ANK3: variants seen among roughly 807,000 people sequenced by gnomAD.
ANK3 encodes ankyrin-3.
ANK3 carries 57 observed loss-of-function variants against 370.9 expected under a neutral mutation model. That is an observed-to-expected ratio of 0.15 (90% confidence interval 0.12 to 0.19). ANK3 has a LOEUF of 0.19. Among genes scored for constraint, ANK3 ranks in the 10% least tolerant of loss-of-function variants. ANK3 has a pLI of 1.00. For missense variants in ANK3, 4,439 were observed against 5,302.1 expected, an observed-to-expected ratio of 0.84 and a Z score of 5.06; for synonymous variants, 1,929 against 1,946.3, an observed-to-expected ratio of 0.99 and a Z score of 0.23.
At chr10:60,730,705 A>C (rs2080010182) in intron 1 of ANK3, among the ~76,000 whole-genome samples, 1 of 152,238 alleles carries the variant, frequency 6.6e-6, no homozygotes, top group African/African-American at 2.4e-5. Flanking sequence ...CATTTGCAAG[A>C]TCCAAGGATA....
chr10:60,395,556 C>CTTTCTTTCTTTCTTTCT (rs1555367081), intron 2 of ANK3, among the ~76,000 whole-genome samples: 1,055 of 71,950 alleles, frequency 0.015, 33 homozygotes, highest in Non-Finnish European at 0.021. Context: ...ATGCCTCTTT[C>CTTTCTTTCTTTCTTTCT]TTTCTTTCTT....
intron 2 of ANK3, among the ~76,000 whole-genome samples, chr10:60,595,828 G>A (rs2077980873): frequency 6.6e-6 from 1 of 152,178 alleles, no homozygotes; most frequent in Admixed American, 6.5e-5. Context: ...TTGGTTAGGT[G>A]AGATTTCTTT....
At chr10:60,109,077 C>A in intron 26 of ANK3, 23 bp from the exon 27 acceptor site, 1 of 1,585,812 alleles carries the variant, frequency 6.3e-7, no homozygotes. Context: ...GATCAGAGGC[C>A]AATTCAAGGA....
chr10:60,180,544 C>T (rs566027847), intron 18 of ANK3, among the ~76,000 whole-genome samples: 82 of 127,902 alleles, frequency 6.4e-4, no homozygotes, highest in African/African-American at 2.4e-3. Flanking sequence ...TGCAGTGAGC[C>T]GAGGTCAAGC....
chr10:60,447,865 G>A (rs945077609), intron 2 of ANK3, among the ~76,000 whole-genome samples: 6 of 151,976 alleles, frequency 3.9e-5, no homozygotes, highest in African/African-American at 1.5e-4. Flanking sequence ...AAAAATTAAG[G>A]GGTTGTGACC....
intron 2 of ANK3, among the ~76,000 whole-genome samples, chr10:60,570,654 C>A (rs1029618713): frequency 5.9e-5 from 9 of 152,034 alleles, no homozygotes; most frequent in African/African-American, 1.7e-4. Flanking sequence ...ACTGAGCAGG[C>A]AGTAAGGAGT....
chr10:60,055,595 AAAG>A lies in ANK3; in HGVS notation c.13065+60_13065+62del. ...GGGCCCCCGGCTGCAAGATCAATCC[AAAG>A]AAGTAAAGCACCGATACTTTCCATT... is the stretch of plus-strand genomic sequence containing the variant. On this transcript the variant is annotated intron_variant, in intron 42 of 43. Coordinates refer to ENST00000280772, the MANE Select transcript of ANK3 (RefSeq NM_020987.5). 2 of 1,517,526 alleles carry A rather than the reference AAAG, an allele frequency of 1.3e-6. 1 individual carries two copies. Among genetic ancestry groups the A allele is most frequent in the South Asian group, 2.8e-5 (2 of 72,636 alleles). 94.0% of individuals were successfully genotyped at this position (1,517,526 alleles called of 1,614,324 possible). A position where few individuals can be genotyped will look rare whatever the true frequency, so the allele number is the denominator to read the frequency against.
chr10:60,098,721 C>T (rs917995838), intron 28 of ANK3, among the ~76,000 whole-genome samples: 5 of 152,100 alleles, frequency 3.3e-5, no homozygotes, highest in Admixed American at 1.3e-4. Context: ...AAAGATAGTA[C>T]GAAAGGCTCC....
At chr10:60,466,013 G>A (rs1318639675) in intron 2 of ANK3, among the ~76,000 whole-genome samples, 1 of 152,002 alleles carries the variant, frequency 6.6e-6, no homozygotes. Flanking sequence ...GGAGAGTTGG[G>A]AGCAGATTCT....
chr10:60,126,995 G>T (rs2093796242), intron 25 of ANK3, among the ~76,000 whole-genome samples: 2 of 152,204 alleles, frequency 1.3e-5, no homozygotes, highest in Non-Finnish European at 2.9e-5. Context: ...AAATTAAATT[G>T]CTGGTTTATA....
In ANK3 at chr10:60,198,653, C is replaced by A; in HGVS notation, c.1492-116G>T. The stretch of plus-strand genomic sequence containing the variant: ...AAGAGGTACAATCAACTTTTTGAGT[C>A]AATGCTAAAAAAACTCATTTGTCTT... On this transcript the variant is annotated intron_variant, in intron 13 of 43. Coordinates refer to ENST00000280772, the MANE Select transcript of ANK3 (RefSeq NM_020987.5). 3.4e-6 allele frequency: 3 copies of A among 888,022 alleles called. No homozygotes were observed. In the South Asian group the frequency reaches 4.7e-5, roughly 14 times the overall value. The allele number at this position is 888,022 out of a possible 1,614,324, so 55.0% of individuals were successfully genotyped here.
chr10:60,163,453 CT>C (rs2095546754), intron 23 of ANK3, among the ~76,000 whole-genome samples: 1 of 152,176 alleles, frequency 6.6e-6, no homozygotes, highest in Non-Finnish European at 1.5e-5. Flanking sequence ...AACTTTGCAA[CT>C]TGGCCCCATT....
At chr10:60,332,936 T>G (rs1181529982) in intron 1 of ANK3, among the ~76,000 whole-genome samples, 1 of 152,186 alleles carries the variant, frequency 6.6e-6, no homozygotes, top group Non-Finnish European at 1.5e-5. Flanking sequence ...CATTCCAGTA[T>G]TCTAACATTA....
At chr10:60,079,174 TACACACACACACACAC>T (rs58239281) in intron 36 of ANK3, among the ~76,000 whole-genome samples, 329 of 113,840 alleles carry the variant, frequency 2.9e-3, no homozygotes, top group African/African-American at 3.1e-3. Context: ...GCTACCTAGC[TACACACACACACACAC>T]ACACACACAC....
intron 9 of ANK3, 49 bp from the exon 10 acceptor site, chr10:60,208,282 A>C: frequency 6.5e-7 from 1 of 1,533,640 alleles, no homozygotes; most frequent in Non-Finnish European, 9.0e-7. Context: ...TTTTAAACAC[A>C]AATGTGCAGA....
At position 60,680,253 on chromosome 10, in the gene ANK3, A is replaced by G. The variant is rs566624140; in HGVS notation, c.57+53010T>C. ...GCCCCTCAGTTGAATTACTTCCTCTAAGGAGACAAGAATTGAGCTGCTGCA... is the reference window on the plus strand; with the variant it reads ...GCCCCTCAGTTGAATTACTTCCTCTGAGGAGACAAGAATTGAGCTGCTGCA... On this transcript the variant is annotated intron_variant, in intron 1 of 43. Transcript: ENST00000373827. Among the ~76,000 whole-genome samples the G allele has an allele frequency of 2.0e-4, 30 of 152,306 alleles. No homozygotes were observed. In the South Asian group the frequency reaches 5.4e-3, roughly 27 times the overall value.
At chr10:60,232,592 T>C (rs2132530043) in intron 8 of ANK3, among the ~76,000 whole-genome samples, 1 of 152,252 alleles carries the variant, frequency 6.6e-6, no homozygotes, top group East Asian at 1.9e-4. Context: ...AGACAGTCAT[T>C]TAGGGGTCGG....
At chr10:60,315,292 T>A (rs1025632903) in intron 1 of ANK3, among the ~76,000 whole-genome samples, 2 of 152,210 alleles carry the variant, frequency 1.3e-5, no homozygotes, top group Non-Finnish European at 2.9e-5. Context: ...AATATTAGGT[T>A]TTTATGTAAA....
chr10:60,074,258 G>A lies in ANK3; in HGVS notation c.6623C>T (p.Thr2208Ile). Residue 2208 changes from threonine to isoleucine, a missense_variant, in exon 37 of 44, where the codon ACC becomes ATC. By Grantham distance (89) the Thr-to-Ile change is moderately conservative. This residue lies in a region of ANK3 where 1,601 missense variants were observed against 1,731.7 expected (regional missense o/e 0.92). Transcript: ENST00000280772. Reference protein sequence around the residue: ...PTFMELEPKPTTSSIKEKVKA... With the variant: ...PTFMELEPKPITSSIKEKVKA... ...AACCTTTTCTTTAATACTAGAGGTG[G>A]TGGGCTTTGGTTCCAATTCCATAAA... 2 of 1,614,084 alleles carry A rather than the reference G, an allele frequency of 1.2e-6. No homozygotes were observed. The highest frequency in any genetic ancestry group is 2.2e-5 in the South Asian group (2 of 91,086).
Sources: gnomAD v4.1 joint callset for allele counts (sites outside exome capture counted in the v4.1 genomes callset) on GRCh38, gnomAD v4.1.1 for gene constraint, gnomAD v4.1.1 regional missense constraint, MANE v1.5 for transcripts, NCBI Gene and HGNC (gene_info 2026-07-23, HGNC 2026-07-21) for gene names.